The following PRKACA variants were observed in gnomAD, a reference collection of about 807,000 sequenced individuals.
PRKACA encodes protein kinase cAMP-activated catalytic subunit alpha, also known as cAMP-dependent protein kinase catalytic subunit alpha.
In PRKACA, 9 loss-of-function variants were observed where a neutral mutation model predicts 45.8. The ratio of observed to expected loss-of-function variants is 0.20; its 90% CI spans 0.12 to 0.34. The LOEUF (loss-of-function observed/expected upper bound fraction) is 0.34, where lower values mean the gene tolerates loss of function less well. Among genes scored for constraint, PRKACA ranks in the 10% least tolerant of loss-of-function variants. PRKACA has a pLI of 1.00. For synonymous variants in PRKACA, 160 were observed against 178.6 expected, an observed-to-expected ratio of 0.90 and a Z score of 0.83; for missense variants, 238 against 458.6, an observed-to-expected ratio of 0.52 and a Z score of 4.39.
At position 14,097,969 on chromosome 19, in the gene PRKACA, C is replaced by G; in HGVS notation, c.420-79G>C. ...CAGCAGGTGGCCCTGCAGAGCCTAC[C>G]CCAGAGGAAGACACCTCCAGTCCAG... On this transcript the variant is annotated intron_variant, in intron 5 of 9. Coordinates refer to ENST00000308677, the MANE Select transcript of PRKACA (RefSeq NM_002730.4). This position sits in a 1 kb window ranked among gnomAD's most constrained non-coding sequence, Gnocchi z 5.4. 1.9e-6 allele frequency: 3 copies of G among 1,567,628 alleles called. No homozygotes were observed. The highest frequency in any genetic ancestry group is 2.6e-6 in the Non-Finnish European group (3 of 1,148,888).
intron 3 of PRKACA, 73 bp from the exon 4 acceptor site, chr19:14,102,987 A>G (rs1412357070): frequency 8.9e-6 from 11 of 1,236,404 alleles, no homozygotes; most frequent in Non-Finnish European, 1.3e-5. Context: ...AATGCCTGGA[A>G]CTAGGGATGC....
At chr19:14,102,236 G>A (rs553515659) in intron 4 of PRKACA, among the ~76,000 whole-genome samples, 9 of 151,274 alleles carry the variant, frequency 5.9e-5, no homozygotes, top group South Asian at 2.1e-4. Flanking sequence ...GGGGTCCCTC[G>A]GAGAACAGGC....
chr19:14,107,606 C>T (rs891262079), intron 1 of PRKACA, 197 bp from the exon 2 acceptor site: 2 of 1,323,850 alleles, frequency 1.5e-6, no homozygotes, highest in African/African-American at 3.0e-5. Flanking sequence ...ATCCAGCTGC[C>T]ACTCCATCCA....
chr19:14,109,555 T>G lies in PRKACA; in HGVS notation c.47-2146A>C, dbSNP rs542956348. On this transcript the variant is annotated intron_variant, in intron 1 of 9. Coordinates refer to ENST00000308677, the MANE Select transcript of PRKACA (RefSeq NM_002730.4). ...ATTGCTTGAATCCGGGAGACTGAGG[T>G]TGCAGTGAGCCGAGATTGCACCACT... 4.6e-5 allele frequency among the ~76,000 whole-genome samples: 7 copies of G among 150,998 alleles called. No individual in the cohort carries two copies. The South Asian group carries it at 1.5e-3, about 32-fold the overall frequency.
intron 5 of PRKACA, among the ~76,000 whole-genome samples, chr19:14,100,086 G>A (rs952979792): frequency 5.9e-5 from 9 of 151,658 alleles, no homozygotes; most frequent in Admixed American, 2.0e-4. Context: ...CTCGTGATCC[G>A]CCCGCCTCGG....
chr19:14,107,703 GTTCTGACCGACA>G (rs1428070706), intron 1 of PRKACA: 1 of 1,193,702 alleles, frequency 8.4e-7, no homozygotes. Flanking sequence ...ACTCGCCCCA[GTTCTGACCGACA>G]TTCCATGGCC....
chr19:14,098,452 G>A lies in PRKACA; in HGVS notation c.420-562C>T, dbSNP rs201001815. On this transcript the variant is annotated intron_variant, in intron 5 of 9. Transcript: ENST00000308677. ...GGCAAGACCTCACCTCTGTATGTAT[G>A]TAGATATGTGTGTGTGTGTGTATAT... is the stretch of plus-strand genomic sequence containing the variant. 1.3e-4 allele frequency: 20 copies of A among 153,950 alleles called. No individual in the cohort carries two copies. In the East Asian group the frequency reaches 2.7e-3, roughly 21 times the overall value. 9.5% of individuals were successfully genotyped at this position (153,950 alleles called of 1,614,324 possible).
intron 9 of PRKACA, 52 bp downstream of exon 9, chr19:14,093,576 G>C (rs1245335067): frequency 1.1e-5 from 17 of 1,569,320 alleles, no homozygotes; most frequent in Non-Finnish European, 1.4e-5. Context: ...TGTCCTCCCT[G>C]ACTCTTGGCC....
At chr19:14,104,209 C>G (rs1171977037) in intron 3 of PRKACA, among the ~76,000 whole-genome samples, 1 of 150,802 alleles carries the variant, frequency 6.6e-6, no homozygotes, top group Non-Finnish European at 1.5e-5. Flanking sequence ...TGGTGGCGGG[C>G]GCCTGTAGTC....
intron 8 of PRKACA, among the ~76,000 whole-genome samples, chr19:14,096,045 T>TTG (rs914775803): frequency 1.4e-4 from 20 of 145,962 alleles, no homozygotes; most frequent in African/African-American, 4.9e-4. Context: ...TTTTTTTTTT[T>TTG]TTTTTTTTTT....
chr19:14,097,222 C>G lies in PRKACA; in HGVS notation c.765+139G>C, dbSNP rs771511260. The G allele has an allele frequency of 2.6e-5, 35 of 1,354,222 alleles. No individual in the cohort carries two copies. The highest frequency in any genetic ancestry group is 3.5e-5 in the Non-Finnish European group (34 of 973,312). 83.9% of individuals were successfully genotyped at this position (1,354,222 alleles called of 1,614,324 possible). ...GGTGTTGGCCTCAGTGTGGCCGGCG[C>G]GTCCAGCTTCACCACCTGGCCTGAC... On this transcript the variant is annotated intron_variant, in intron 8 of 9. Transcript: ENST00000308677. The surrounding 1 kb of genome is among the most constrained non-coding windows in gnomAD (Gnocchi z 5.4).
intron 9 of PRKACA, 128 bp downstream of exon 9, chr19:14,093,500 C>T: frequency 7.8e-7 from 1 of 1,276,544 alleles, no homozygotes; most frequent in Non-Finnish European, 1.1e-6. Flanking sequence ...CTAGACCCCA[C>T]TGCTCTAAGC....
At chr19:14,114,296 A>T in intron 1 of PRKACA, 1 of 1,166,136 alleles carries the variant, frequency 8.6e-7, no homozygotes, top group Non-Finnish European at 1.2e-6. Context: ...CAGGAAGAGA[A>T]ACCCAACCCA....
chr19:14,091,841 G>C lies in PRKACA; in HGVS notation c.*1271C>G, dbSNP rs1977077391. 1 of 152,460 alleles carries C rather than the reference G, an allele frequency of 6.6e-6. No individual in the cohort carries two copies. The highest frequency in any genetic ancestry group is 1.5e-5 in the Non-Finnish European group (1 of 68,058). 9.4% of individuals were successfully genotyped at this position (152,460 alleles called of 1,614,324 possible). A position where few individuals can be genotyped will look rare whatever the true frequency, so the allele number is the denominator to read the frequency against. On this transcript the variant is annotated 3_prime_UTR_variant, in exon 10 of 10. Transcript: ENST00000308677. ...CCCCAGGCCTGAGAACTCCTCCTGG[G>C]ATGGGGAGAAGTTATGAGAGGGGGA... is the stretch of plus-strand genomic sequence containing the variant.
intron 3 of PRKACA, among the ~76,000 whole-genome samples, chr19:14,104,469 G>A (rs1457239499): frequency 5.9e-5 from 9 of 151,670 alleles, no homozygotes; most frequent in Non-Finnish European, 1.3e-4. Flanking sequence ...GGCCGAGGCC[G>A]GTGGATTACA....
intron 1 of PRKACA, among the ~76,000 whole-genome samples, chr19:14,114,772 G>A (rs1282830715): frequency 4.6e-5 from 7 of 151,998 alleles, no homozygotes; most frequent in Admixed American, 2.6e-4. Context: ...GCCATCTTTG[G>A]GTGTAGATTC....
intron 3 of PRKACA, among the ~76,000 whole-genome samples, chr19:14,104,334 C>T (rs1193821931): frequency 8.3e-6 from 1 of 120,590 alleles, no homozygotes; most frequent in African/African-American, 3.4e-5. Context: ...GAGACTCCGT[C>T]TCAAAAAAAA....
At position 14,091,960 on chromosome 19, in the gene PRKACA, G is replaced by A. The variant is rs1340505676; in HGVS notation, c.*1152C>T. 1 of 152,252 alleles carries A rather than the reference G, an allele frequency of 6.6e-6. No homozygotes were observed. Among genetic ancestry groups the A allele is most frequent in the Non-Finnish European group, 1.5e-5 (1 of 68,068 alleles). The allele number at this position is 152,252 out of a possible 1,614,324, so 9.4% of individuals were successfully genotyped here. On this transcript the variant is annotated 3_prime_UTR_variant, in exon 10 of 10. Transcript: ENST00000308677. ...AATGAGAAAGTGGGGGAGAGGTGAT[G>A]GACAGCTGACAGCTAAGCTGGAGGA... is the stretch of plus-strand genomic sequence containing the variant.
At chr19:14,115,931 C>CCTG (rs1967097003) in intron 1 of PRKACA, among the ~76,000 whole-genome samples, 2 of 152,130 alleles carry the variant, frequency 1.3e-5, no homozygotes, top group Non-Finnish European at 2.9e-5. Flanking sequence ...ACACTACCCA[C>CCTG]CTGCTCCTCT....
Sources: gnomAD v4.1 joint callset for allele counts (sites outside exome capture counted in the v4.1 genomes callset) on GRCh38, gnomAD v4.1.1 for gene constraint, Gnocchi (gnomAD v3.1) non-coding constraint, MANE v1.5 for transcripts, NCBI Gene and HGNC (gene_info 2026-07-23, HGNC 2026-07-21) for gene names.